THSD7B: variants seen among roughly 807,000 people sequenced by gnomAD.
THSD7B encodes thrombospondin type 1 domain containing 7B, also known as thrombospondin type-1 domain-containing protein 7B.
A neutral mutation model predicts 213.6 loss-of-function variants in THSD7B; 138 were observed. That is an observed-to-expected ratio of 0.65 (90% CI 0.56 to 0.74). The LOEUF (loss-of-function observed/expected upper bound fraction) is 0.74, where lower values mean the gene tolerates loss of function less well. THSD7B is among the 30% of genes least tolerant of loss of function. The pLI, the probability that THSD7B is intolerant of heterozygous loss-of-function variation, is 0.00. For missense variants in THSD7B, 1,931 were observed against 1,991.5 expected (o/e 0.97, Z 0.58); for synonymous variants, 742 against 687.0 (o/e 1.08, Z -1.25).
intron 5 of THSD7B, among the ~76,000 whole-genome samples, chr2:137,150,080 T>C (rs535309079): frequency 3.6e-4 from 55 of 151,940 alleles, no homozygotes; most frequent in Admixed American, 3.1e-3. Context: ...CTGTCTCTAC[T>C]AAAAATACAA....
intron 2 of THSD7B, among the ~76,000 whole-genome samples, chr2:137,055,664 T>C (rs1290144642): frequency 2.6e-5 from 4 of 152,196 alleles, no homozygotes; most frequent in Admixed American, 2.6e-4. Context: ...TACAAGCTAA[T>C]GTTGGAAACT....
chr2:136,958,135 G>A (rs1284500376), intron 2 of THSD7B, among the ~76,000 whole-genome samples: 1 of 151,970 alleles, frequency 6.6e-6, no homozygotes, highest in African/African-American at 2.4e-5. Context: ...TAACAAATGA[G>A]GATATAAGGA....
intron 2 of THSD7B, among the ~76,000 whole-genome samples, chr2:137,000,344 G>A (rs1431024834): frequency 1.3e-5 from 2 of 152,118 alleles, no homozygotes; most frequent in African/African-American, 4.8e-5. Flanking sequence ...CTGGGAAGCT[G>A]TGTTGTCATC....
At chr2:137,026,207 C>A (rs376598306) in intron 2 of THSD7B, among the ~76,000 whole-genome samples, 1 of 152,160 alleles carries the variant, frequency 6.6e-6, no homozygotes, top group Non-Finnish European at 1.5e-5. Context: ...CCAGGGCCAG[C>A]GGTGGAGACT....
intron 2 of THSD7B, 94 bp from the exon 3 acceptor site, chr2:137,056,325 CT>C: frequency 7.8e-7 from 1 of 1,279,656 alleles, no homozygotes; most frequent in Non-Finnish European, 1.1e-6. Context: ...TTTCATACTG[CT>C]TGTGTTGGAA....
intron 7 of THSD7B, among the ~76,000 whole-genome samples, chr2:137,177,050 T>C (rs1680372067): frequency 6.6e-6 from 1 of 152,230 alleles, no homozygotes; most frequent in Non-Finnish European, 1.5e-5. Context: ...ACCATGTTGA[T>C]GATAGTTTTT....
intron 15 of THSD7B, among the ~76,000 whole-genome samples, chr2:137,536,786 T>C (rs890007128): frequency 1.3e-5 from 2 of 151,772 alleles, no homozygotes; most frequent in African/African-American, 4.8e-5. Flanking sequence ...TTCTCCAGTA[T>C]GTACCCTGAG....
chr2:136,781,589 A>G (rs1681744887), intron 1 of THSD7B, among the ~76,000 whole-genome samples: 1 of 151,696 alleles, frequency 6.6e-6, no homozygotes, highest in South Asian at 2.1e-4. Context: ...TACCAGTTCT[A>G]TTGGATACTT....
intron 7 of THSD7B, among the ~76,000 whole-genome samples, chr2:137,213,062 G>A (rs1422794569): frequency 6.9e-6 from 1 of 145,172 alleles, no homozygotes; most frequent in East Asian, 2.0e-4. Flanking sequence ...ATACAGAAAC[G>A]TTGTCAGGTA....
At chr2:137,158,760 G>T (rs1176317223) in intron 5 of THSD7B, among the ~76,000 whole-genome samples, 1 of 152,204 alleles carries the variant, frequency 6.6e-6, no homozygotes, top group South Asian at 2.1e-4. Flanking sequence ...ACTCTTACAC[G>T]TGTTAAGGGT....
chr2:137,231,198 G>T lies in THSD7B; in HGVS notation c.1878G>T (p.Gln626His). The change falls in exon 8 of 28, where the codon CAG (glutamine) becomes CAT (histidine). Residue 626 changes from glutamine to histidine, a missense_variant. Coordinates refer to ENST00000409968, the MANE Select transcript of THSD7B (RefSeq NM_001316349.2). ...CAAATAAAAACTCAGATGGGAAACAGACCAGGTCAAGAACTATCCTGGCAC... is the reference window on the plus strand; with the variant it reads ...CAAATAAAAACTCAGATGGGAAACATACCAGGTCAAGAACTATCCTGGCAC... ...SCSNKNSDGK[Q>H]TRSRTILALA... The T allele has an allele frequency of 6.2e-7, 1 of 1,612,872 alleles. No individual in the cohort carries two copies. Among genetic ancestry groups the T allele is most frequent in the Non-Finnish European group, 8.5e-7 (1 of 1,179,342 alleles).
At chr2:137,053,981 TG>T (rs1687114835) in intron 2 of THSD7B, among the ~76,000 whole-genome samples, 1 of 152,216 alleles carries the variant, frequency 6.6e-6, no homozygotes, top group South Asian at 2.1e-4. Flanking sequence ...TTTATATGAA[TG>T]GTCTGACATG....
intron 17 of THSD7B, among the ~76,000 whole-genome samples, chr2:137,604,873 A>G (rs1682142688): frequency 6.6e-6 from 1 of 152,226 alleles, no homozygotes; most frequent in African/African-American, 2.4e-5. Flanking sequence ...GCTATATTAG[A>G]TTTATTATAT....
At chr2:137,299,163 G>A (rs777710578) in intron 12 of THSD7B, among the ~76,000 whole-genome samples, 1 of 152,160 alleles carries the variant, frequency 6.6e-6, no homozygotes, top group Non-Finnish European at 1.5e-5. Flanking sequence ...ACTTGGAGTT[G>A]AAGGAAGTCA....
intron 15 of THSD7B, among the ~76,000 whole-genome samples, chr2:137,490,367 T>C (rs2105121050): frequency 6.6e-6 from 1 of 152,348 alleles, no homozygotes. Context: ...AATCGATTCC[T>C]AATAATGTTA....
chr2:137,529,673 T>C (rs1295240739), intron 15 of THSD7B, among the ~76,000 whole-genome samples: 1 of 151,218 alleles, frequency 6.6e-6, no homozygotes, highest in Non-Finnish European at 1.5e-5. Flanking sequence ...AAAAAGGAAA[T>C]TCAAATGGAA....
chr2:137,581,079 A>T (rs749189609), intron 17 of THSD7B, among the ~76,000 whole-genome samples: 4 of 152,204 alleles, frequency 2.6e-5, no homozygotes, highest in Non-Finnish European at 5.9e-5. Flanking sequence ...ACAAATACTC[A>T]TTGTGTATTA....
chr2:136,831,728 T>C (rs540426152), intron 1 of THSD7B, among the ~76,000 whole-genome samples: 2 of 152,380 alleles, frequency 1.3e-5, no homozygotes, highest in African/African-American at 4.8e-5. Flanking sequence ...TGGTTTTAGA[T>C]GCTTTCGAAA....
At chr2:137,189,488 C>A (rs191003493) in intron 7 of THSD7B, among the ~76,000 whole-genome samples, 1 of 151,990 alleles carries the variant, frequency 6.6e-6, no homozygotes, top group Non-Finnish European at 1.5e-5. Context: ...ACAAGGTCAA[C>A]GTCACCCATG....
Sources: allele counts gnomAD v4.1 joint callset (sites outside exome capture counted in the v4.1 genomes callset), GRCh38; gene constraint gnomAD v4.1.1; transcripts MANE v1.5; gene names NCBI Gene and HGNC (gene_info 2026-07-23, HGNC 2026-07-21).